SZT2: variants seen among roughly 807,000 people sequenced by gnomAD.
SZT2 encodes KICSTOR complex protein SZT2.
Under a neutral mutation model 404.2 loss-of-function variants are expected in SZT2, and 216 were observed. The observed-to-expected ratio is 0.53, with a 90% CI of 0.48 to 0.60. SZT2 has a LOEUF of 0.60. SZT2 is among the 20% of genes least tolerant of loss of function. The probability of loss-of-function intolerance (pLI) is 0.00; values close to 1 mark genes in which losing one functional copy is unlikely to be tolerated. For synonymous variants in SZT2, 1,693 were observed against 1,749.9 expected, an observed-to-expected ratio of 0.97 and a Z score of 0.81; for missense variants, 3,857 against 4,459.2, an observed-to-expected ratio of 0.86 and a Z score of 3.85.
chr1:43,401,066 C>T (rs1454918024), intron 1 of SZT2, among the ~76,000 whole-genome samples: 1 of 151,970 alleles, frequency 6.6e-6, no homozygotes, highest in Non-Finnish European at 1.5e-5. Context: ...GGACTACAGG[C>T]ACGAGCCACT....
chr1:43,448,110 CGA>C lies in SZT2; in HGVS notation c.9599_9600del (p.Glu3200AlafsTer8). ...GTTCTTCGTGGTGCTCACCAGCCAG[CGA>C]GAGCTCTTCCCCAGGCTCACTGCTG... is the stretch of plus-strand genomic sequence containing the variant. Reference protein sequence around the residue: ...LQFFVVLTSQRELFPRLTADM... With the variant: ...LQFFVVLTSQXELFPRLTADM... On this transcript the variant is annotated frameshift_variant, in exon 69 of 72. Coordinates refer to ENST00000634258, the MANE Select transcript of SZT2 (RefSeq NM_001365999.1). LOFTEE classifies it high-confidence loss of function. The surrounding 1 kb of genome is among the most constrained non-coding windows in gnomAD (Gnocchi z 4.2). 1 of 1,598,176 alleles carries C rather than the reference CGA, an allele frequency of 6.3e-7. No homozygotes were observed. Among genetic ancestry groups the C allele is most frequent in the Non-Finnish European group, 8.5e-7 (1 of 1,169,676 alleles).
Position 43,441,248 on chromosome 1 carries a change from A to G in SZT2, c.7379A>G (p.Lys2460Arg), listed in dbSNP as rs1271701402. 7.4e-6 allele frequency: 12 copies of G among 1,614,230 alleles called. No individual in the cohort carries two copies. Among genetic ancestry groups the G allele is most frequent in the South Asian group, 2.2e-5 (2 of 91,084 alleles). ...GAATGTGGGGATTTGGGTTCCCCCA[A>G]AACAACTGATGACATTGTCCTGGAT... ...KTECGDLGSP[K>R]TTDDIVLDRP... The change falls in exon 53 of 72, where the codon AAA becomes AGA. Residue 2460 changes from lysine to arginine, a missense_variant. By Grantham distance (26) the Lys-to-Arg change is conservative. Around this residue, in one of 7 missense-constraint regions of SZT2, gnomAD observed 573 missense variants for 592.4 expected, o/e 0.97. Coordinates refer to ENST00000634258, the MANE Select transcript of SZT2 (RefSeq NM_001365999.1). The surrounding 1 kb of genome is among the most constrained non-coding windows in gnomAD (Gnocchi z 4.8).
Position 43,426,997 on chromosome 1 carries a change from G to C in SZT2, c.3310-59G>C. 2 of 1,603,312 alleles carry C rather than the reference G, an allele frequency of 1.2e-6. No homozygotes were observed. Among genetic ancestry groups the C allele is most frequent in the Middle Eastern group, 1.7e-4 (1 of 6,012 alleles). The stretch of plus-strand genomic sequence containing the variant: ...ATGAGTCAGCTCTAGGGTGGAGGAG[G>C]GGAACAGGGGTTGGACATTCCCTTA... On this transcript the variant is annotated intron_variant, in intron 23 of 71. Coordinates refer to ENST00000634258, the MANE Select transcript of SZT2 (RefSeq NM_001365999.1). The surrounding 1 kb of genome is among the most constrained non-coding windows in gnomAD (Gnocchi z 4.9).
At position 43,424,358 on chromosome 1, in the gene SZT2, T is replaced by G. The variant is rs1321793750; in HGVS notation, c.2397T>G (p.Leu799=). Residue 799 remains leucine, a synonymous_variant, in exon 16 of 72, where the codon CTT becomes CTG. Transcript: ENST00000634258. This position sits in a 1 kb window ranked among gnomAD's most constrained non-coding sequence, Gnocchi z 4.1. The part of the protein sequence containing the change: ...LSRYLYHQRW[L]WSVPSGLAPA... ...GCTACCTCTACCATCAGCGCTGGCT[T>G]TGGAGTGTCCCGTCAGGACTGGCCC... 3 of 1,597,964 alleles carry G rather than the reference T, an allele frequency of 1.9e-6. No individual in the cohort carries two copies. Among genetic ancestry groups the G allele is most frequent in the Non-Finnish European group, 1.7e-6 (2 of 1,179,608 alleles).
chr1:43,389,932 C>A lies in SZT2; in HGVS notation c.-37C>A. 2.0e-6 allele frequency: 3 copies of A among 1,489,188 alleles called. No individual in the cohort carries two copies. Among genetic ancestry groups the A allele is most frequent in the Non-Finnish European group, 2.7e-6 (3 of 1,119,650 alleles). 92.2% of individuals were successfully genotyped at this position (1,489,188 alleles called of 1,614,324 possible). The stretch of plus-strand genomic sequence containing the variant: ...GAGGTCAGGGGTCAAGAGTGGAACA[C>A]CCTCACTGGCCCGGGCCGGCGCGGG... On this transcript the variant is annotated 5_prime_UTR_variant, in exon 1 of 72. Transcript: ENST00000634258.
chr1:43,451,361 C>T lies in SZT2; in HGVS notation c.*881C>T, dbSNP rs1465481453. 6.2e-7 allele frequency: 1 copy of T among 1,612,238 alleles called. No individual in the cohort carries two copies. The highest frequency in any genetic ancestry group is 8.5e-7 in the Non-Finnish European group (1 of 1,179,988). ...ACCTCAGCCCACAAGGAGAAAACAG[C>T]CCCTGTCCGGGTCCCTCCAGAGCTC... On this transcript the variant is annotated 3_prime_UTR_variant, in exon 72 of 72. Transcript: ENST00000634258.
In SZT2 at chr1:43,439,893, C is replaced by T. The variant is rs1654877207; in HGVS notation, c.7055C>T (p.Ala2352Val). 1 of 1,596,576 alleles carries T rather than the reference C, an allele frequency of 6.3e-7. No homozygotes were observed. The highest frequency in any genetic ancestry group is 8.5e-7 in the Non-Finnish European group (1 of 1,171,144). The change falls in exon 51 of 72, where the codon GCC becomes GTC. Residue 2352 changes from alanine to valine, a missense_variant. Coordinates refer to ENST00000634258, the MANE Select transcript of SZT2 (RefSeq NM_001365999.1). The surrounding 1 kb of genome is among the most constrained non-coding windows in gnomAD (Gnocchi z 4.2). ...VVDSSSAQNGAPRLRLDVWEK... is the reference protein window; with the variant it reads ...VVDSSSAQNGVPRLRLDVWEK... ...GTTCTCCTTCCAGCTCAGAATGGGG[C>T]CCCACGGCTTCGATTGGATGTGTGG... is the stretch of plus-strand genomic sequence containing the variant.
chr1:43,438,129 C>A, intron 46 of SZT2: 1 of 510,402 alleles, frequency 2.0e-6, no homozygotes, highest in Non-Finnish European at 3.5e-6. Flanking sequence ...CTAGTTCCTG[C>A]TGTGCTCGGG....
intron 62 of SZT2, chr1:43,445,146 A>G (rs905139676): frequency 2.0e-5 from 3 of 152,228 alleles, no homozygotes; most frequent in Admixed American, 1.3e-4. Context: ...GCCATAAGTT[A>G]TGCTCTTTCC....
chr1:43,424,116 G>C lies in SZT2; in HGVS notation c.2256-101G>C, dbSNP rs1652849968. The C allele has an allele frequency of 1.0e-6, 1 of 979,296 alleles. No individual in the cohort carries two copies. The highest frequency in any genetic ancestry group is 1.6e-5 in the South Asian group (1 of 64,446). 60.7% of individuals were successfully genotyped at this position (979,296 alleles called of 1,614,324 possible). A position where few individuals can be genotyped will look rare whatever the true frequency, so the allele number is the denominator to read the frequency against. ...CGGGTATCAGTGGTACAGAGGTGTG[G>C]AAGGGCGTGGCTTAGCCAGCTGTGA... On this transcript the variant is annotated intron_variant, in intron 15 of 71. Transcript: ENST00000634258. This position sits in a 1 kb window ranked among gnomAD's most constrained non-coding sequence, Gnocchi z 4.1.
rs1273160110 is a variant in SZT2 at position 43,453,056 on chromosome 1, A to G, written c.*2576A>G. Reference sequence around the variant, plus strand: ...CTGTAAGCAGCTTTCTCTGATCCAGACAGGGTTAGGTGCCTACCCTGCTCC... The same window carrying G: ...CTGTAAGCAGCTTTCTCTGATCCAGGCAGGGTTAGGTGCCTACCCTGCTCC... On this transcript the variant is annotated 3_prime_UTR_variant, in exon 72 of 72. Transcript: ENST00000634258. 23 of 1,169,876 alleles carry G rather than the reference A, an allele frequency of 2.0e-5. No homozygotes were observed. Among genetic ancestry groups the G allele is most frequent in the Non-Finnish European group, 2.8e-5 (22 of 794,440 alleles). The allele number at this position is 1,169,876 out of a possible 1,614,324, so 72.5% of individuals were successfully genotyped here. A position where few individuals can be genotyped will look rare whatever the true frequency, so the allele number is the denominator to read the frequency against.
Position 43,425,748 on chromosome 1 carries a change from G to T in SZT2, c.2815-87G>T, listed in dbSNP as rs1281036430. On this transcript the variant is annotated intron_variant, in intron 19 of 71. Coordinates refer to ENST00000634258, the MANE Select transcript of SZT2 (RefSeq NM_001365999.1). The surrounding 1 kb of genome is among the most constrained non-coding windows in gnomAD (Gnocchi z 4.3). Reference sequence around the variant, plus strand: ...CTTCCTGGTCCCTCTGAATGGCTGGGACTGTTGAAGCTTCCTGAAGAGCTG... The same window carrying T: ...CTTCCTGGTCCCTCTGAATGGCTGGTACTGTTGAAGCTTCCTGAAGAGCTG... The T allele has an allele frequency of 6.3e-7, 1 of 1,594,308 alleles. No homozygotes were observed. Among genetic ancestry groups the T allele is most frequent in the South Asian group, 1.1e-5 (1 of 89,930 alleles).
chr1:43,426,740 T>C lies in SZT2; in HGVS notation c.3240T>C (p.Val1080=). Residue 1080 remains valine, a synonymous_variant, in exon 23 of 72, where the codon GTT becomes GTC. Coordinates refer to ENST00000634258, the MANE Select transcript of SZT2 (RefSeq NM_001365999.1). This position sits in a 1 kb window ranked among gnomAD's most constrained non-coding sequence, Gnocchi z 4.9. ...VPGAEGPLLG[V]HGIPKEQAVG... ...GTGCCGAGGGGCCACTGCTGGGGGT[T>C]CATGGGATCCCGAAGGAGCAAGCAG... 6.2e-7 allele frequency: 1 copy of C among 1,613,208 alleles called. No homozygotes were observed.
Position 43,428,329 on chromosome 1 carries a change from A to G in SZT2, c.4009A>G (p.Ile1337Val). ...VDACEELLQE[I>V]DITPFLLALC... Reference sequence around the variant, plus strand: ...TGCCTGTGAGGAGCTACTACAAGAAATAGACATCACCCCATTTCTCCTTGC... The same window carrying G: ...TGCCTGTGAGGAGCTACTACAAGAAGTAGACATCACCCCATTTCTCCTTGC... The change falls in exon 28 of 72, where the codon ATA becomes GTA. Residue 1337 changes from isoleucine (I) to valine (V), a missense_variant. Ile to Val is a conservative substitution (Grantham distance 29, BLOSUM62 3). This residue lies in a region of SZT2 where 1,725 missense variants were observed against 1,881.0 expected (regional missense o/e 0.92). Transcript: ENST00000634258. 1 of 1,614,138 alleles carries G rather than the reference A, an allele frequency of 6.2e-7. No homozygotes were observed. The highest frequency in any genetic ancestry group is 8.5e-7 in the Non-Finnish European group (1 of 1,180,016).
rs199939853 is a variant in SZT2 at position 43,432,978 on chromosome 1, A to T, written c.5603-11A>T. Reference sequence around the variant, plus strand: ...TTCGGATGGGATTGACCTTCAATGCATCTGACACAGGTTATGATGGTGGCA... The same window carrying T: ...TTCGGATGGGATTGACCTTCAATGCTTCTGACACAGGTTATGATGGTGGCA... On this transcript the variant is annotated splice_polypyrimidine_tract_variant and intron_variant, in intron 39 of 71. Coordinates refer to ENST00000634258, the MANE Select transcript of SZT2 (RefSeq NM_001365999.1). 30 of 1,613,922 alleles carry T rather than the reference A, an allele frequency of 1.9e-5. No homozygotes were observed. The highest frequency in any genetic ancestry group is 2.3e-5 in the Non-Finnish European group (27 of 1,179,986).
In SZT2 at chr1:43,424,961, C is replaced by T. The variant is rs1652965568; in HGVS notation, c.2550+99C>T. On this transcript the variant is annotated intron_variant, in intron 17 of 71. Coordinates refer to ENST00000634258, the MANE Select transcript of SZT2 (RefSeq NM_001365999.1). This position sits in a 1 kb window ranked among gnomAD's most constrained non-coding sequence, Gnocchi z 4.1. The stretch of plus-strand genomic sequence containing the variant: ...GTTGGGACTGCTGGAAACTGCCTCA[C>T]AGGGACCCTGTGGCCAGAGGATGCT... 6.7e-7 allele frequency: 1 copy of T among 1,500,166 alleles called. No homozygotes were observed. Among genetic ancestry groups the T allele is most frequent in the South Asian group, 1.2e-5 (1 of 86,552 alleles). 92.9% of individuals were successfully genotyped at this position (1,500,166 alleles called of 1,614,324 possible).
In SZT2 at chr1:43,441,713, C is replaced by CCCA; in HGVS notation, c.7639_7641dup (p.His2547dup). 1 of 1,614,226 alleles carries CCCA rather than the reference C, an allele frequency of 6.2e-7. No individual in the cohort carries two copies. The highest frequency in any genetic ancestry group is 8.5e-7 in the Non-Finnish European group (1 of 1,180,036). ...TGTGCCTCAGTGTCCAGAAGCTCTG[C>CCCA]CCACATGGTGTCCCGGTTCCTCCTT... On this transcript the variant is annotated inframe_insertion, in exon 55 of 72. Transcript: ENST00000634258. The surrounding 1 kb of genome is among the most constrained non-coding windows in gnomAD (Gnocchi z 4.8).
At position 43,448,335 on chromosome 1, in the gene SZT2, C is replaced by T. The variant is rs1025832662; in HGVS notation, c.9820C>T (p.Arg3274Cys). 2.1e-5 allele frequency: 33 copies of T among 1,552,546 alleles called. No homozygotes were observed. The highest frequency in any genetic ancestry group is 5.5e-5 in the African/African-American group (4 of 73,058). The change falls in exon 69 of 72, where the codon CGT becomes TGT. Residue 3274 changes from arginine (R) to cysteine (C), a missense_variant. Coordinates refer to ENST00000634258, the MANE Select transcript of SZT2 (RefSeq NM_001365999.1). The surrounding 1 kb of genome is among the most constrained non-coding windows in gnomAD (Gnocchi z 4.2). The part of the protein sequence containing the change: ...QLVRLAGGHC[R>C]RDTLWKRLFL... ...GGTGCGGCTGGCTGGAGGGCACTGC[C>T]GTCGGGACACCCTTTGGAAGCGCCT...
Position 43,441,799 on chromosome 1 carries a change from C to T in SZT2, c.7723C>T (p.Arg2575Cys), listed in dbSNP as rs942996049. ...VTSMAGDTSV[R>C]IFEQHLGSEP... ...CTCAATGGCTGGAGACACCAGTGTC[C>T]GCATCTTTGAGCAGCATTTGTGAGT... The change falls in exon 55 of 72, where the codon CGC becomes TGC. Residue 2575 changes from arginine (R) to cysteine (C), a missense_variant. By Grantham distance (180) the Arg-to-Cys change is radical (BLOSUM62 -3). This residue lies in a region of SZT2 where 573 missense variants were observed against 592.4 expected (regional missense o/e 0.97). Transcript: ENST00000634258. The surrounding 1 kb of genome is among the most constrained non-coding windows in gnomAD (Gnocchi z 4.8). The T allele has an allele frequency of 6.8e-6, 11 of 1,614,018 alleles. No homozygotes were observed. The highest frequency in any genetic ancestry group is 6.8e-6 in the Non-Finnish European group (8 of 1,180,034).
Sources: allele counts gnomAD v4.1 joint callset (sites outside exome capture counted in the v4.1 genomes callset), GRCh38; gene constraint gnomAD v4.1.1; regional missense constraint gnomAD v4.1.1; non-coding constraint Gnocchi (gnomAD v3.1); transcripts MANE v1.5; gene names NCBI Gene and HGNC (gene_info 2026-07-23, HGNC 2026-07-21).